The following COQ5 variants were observed in gnomAD, a reference collection of about 807,000 sequenced individuals.
COQ5 encodes coenzyme Q5, methyltransferase, also known as 2-methoxy-6-polyprenyl-1,4-benzoquinol methylase, mitochondrial.
In COQ5, 27 loss-of-function variants were observed where a neutral mutation model predicts 40.5. The ratio of observed to expected loss-of-function variants is 0.67; its 90% CI spans 0.49 to 0.92. The LOEUF (loss-of-function observed/expected upper bound fraction) is 0.92, where lower values mean the gene tolerates loss of function less well. COQ5 is among the 40% of genes least tolerant of loss of function. The pLI, the probability that COQ5 is intolerant of heterozygous loss-of-function variation, is 0.00. For synonymous variants in COQ5, 141 were observed against 150.0 expected (o/e 0.94, Z 0.44); for missense variants, 409 against 406.4 (o/e 1.01, Z -0.06).
Position 120,522,289 on chromosome 12 carries a change from C to T in COQ5, c.277G>A (p.Val93Ile). ...TTCCAGAGCAGCAAATCCTTCCAAACACGATGGATACCAAGACTCATCATA... is the reference window on the plus strand; with the variant it reads ...TTCCAGAGCAGCAAATCCTTCCAAATACGATGGATACCAAGACTCATCATA... ...NDMMSLGIHRVWKDLLLWKMH... is the reference protein window; with the variant it reads ...NDMMSLGIHRIWKDLLLWKMH... The change falls in exon 2 of 7, where the codon GTT becomes ATT. Residue 93 changes from valine (V) to isoleucine (I), a missense_variant. Physicochemically the swap from Val to Ile is conservative, Grantham distance 29. Coordinates refer to ENST00000288532, the MANE Select transcript of COQ5 (RefSeq NM_032314.4). 6.2e-7 allele frequency: 1 copy of T among 1,613,994 alleles called. No individual in the cohort carries two copies. Among genetic ancestry groups the T allele is most frequent in the Non-Finnish European group, 8.5e-7 (1 of 1,179,846 alleles).
intron 3 of COQ5, among the ~76,000 whole-genome samples, chr12:120,511,847 A>G (rs1211907907): frequency 6.6e-6 from 1 of 152,174 alleles, no homozygotes; most frequent in Non-Finnish European, 1.5e-5. Flanking sequence ...AACATTGGGG[A>G]AAAAAAGAAT....
At chr12:120,518,810 G>A (rs901017208) in intron 2 of COQ5, among the ~76,000 whole-genome samples, 4 of 152,126 alleles carry the variant, frequency 2.6e-5, no homozygotes, top group East Asian at 3.8e-4. Flanking sequence ...TGATCCACAC[G>A]CCTCAGCCTC....
chr12:120,517,702 G>GATT (rs1869444890), intron 2 of COQ5, among the ~76,000 whole-genome samples: 1 of 151,680 alleles, frequency 6.6e-6, no homozygotes, highest in African/African-American at 2.4e-5. Context: ...ACCAAATCAA[G>GATT]TGTTTATAAT....
chr12:120,516,905 A>C, intron 2 of COQ5, 117 bp from the exon 3 acceptor site: 1 of 878,782 alleles, frequency 1.1e-6, no homozygotes, highest in Non-Finnish European at 1.9e-6. Context: ...GTGTTAGCTA[A>C]CTGGATGCAG....
intron 3 of COQ5, among the ~76,000 whole-genome samples, chr12:120,515,624 G>T (rs1279078590): frequency 6.6e-6 from 1 of 152,162 alleles, no homozygotes; most frequent in East Asian, 1.9e-4. Context: ...GGGAAACACA[G>T]AGTAGACAAA....
chr12:120,520,303 C>T (rs984780431), intron 2 of COQ5, among the ~76,000 whole-genome samples: 1 of 148,638 alleles, frequency 6.7e-6, no homozygotes, highest in Non-Finnish European at 1.5e-5. Flanking sequence ...GCCACCTTGC[C>T]GGCTATTTTT....
chr12:120,520,620 C>T (rs1043504043), intron 2 of COQ5, among the ~76,000 whole-genome samples: 7 of 151,584 alleles, frequency 4.6e-5, no homozygotes, highest in Non-Finnish European at 7.4e-5. Flanking sequence ...CACCACACCC[C>T]GCCATCGCCC....
chr12:120,513,607 C>T (rs1869244932), intron 3 of COQ5, among the ~76,000 whole-genome samples: 1 of 151,058 alleles, frequency 6.6e-6, no homozygotes, highest in African/African-American at 2.4e-5. Context: ...GCGACGTCCA[C>T]CTCCTGGGTT....
intron 1 of COQ5, among the ~76,000 whole-genome samples, chr12:120,525,790 T>TG (rs1161032190): frequency 6.6e-6 from 1 of 151,660 alleles, no homozygotes; most frequent in Non-Finnish European, 1.5e-5. Flanking sequence ...CTGGGCGTGG[T>TG]GGTGGGCGCC....
chr12:120,504,160 A>G (rs1868776289), intron 5 of COQ5, 79 bp from the exon 6 acceptor site: 2 of 906,596 alleles, frequency 2.2e-6, no homozygotes, highest in Admixed American at 3.5e-5. Flanking sequence ...AAGAAGGACT[A>G]AACCTGGGGT....
intron 3 of COQ5, among the ~76,000 whole-genome samples, chr12:120,511,256 CAAA>C (rs33968461): frequency 7.5e-5 from 7 of 93,082 alleles, no homozygotes; most frequent in Non-Finnish European, 6.3e-5. Flanking sequence ...GACTCTGTCT[CAAA>C]AAAAAAAAAA....
intron 3 of COQ5, among the ~76,000 whole-genome samples, chr12:120,515,302 C>A (rs1034331258): frequency 6.6e-6 from 1 of 152,094 alleles, no homozygotes; most frequent in Non-Finnish European, 1.5e-5. Context: ...GTTGCCTAGG[C>A]TGGTCTTGAA....
At chr12:120,523,585 C>G (rs1472553033) in intron 1 of COQ5, 1 of 183,894 alleles carries the variant, frequency 5.4e-6, no homozygotes, top group African/African-American at 2.4e-5. Flanking sequence ...ATTATTATTA[C>G]TTAGGACTAC....
chr12:120,516,028 A>T (rs1179449094), intron 3 of COQ5, among the ~76,000 whole-genome samples: 2 of 152,162 alleles, frequency 1.3e-5, no homozygotes, highest in African/African-American at 2.4e-5. Flanking sequence ...GGCTCAAGTA[A>T]TCCTCCTATT....
In COQ5 at chr12:120,522,253, G is replaced by T; in HGVS notation, c.313C>A (p.Leu105Ile). 2 of 1,614,170 alleles carry T rather than the reference G, an allele frequency of 1.2e-6. No individual in the cohort carries two copies. Among genetic ancestry groups the T allele is most frequent in the Non-Finnish European group, 1.7e-6 (2 of 1,180,016 alleles). Residue 105 changes from leucine to isoleucine, a missense_variant, in exon 2 of 7, where the codon CTT (leucine) becomes ATT (isoleucine). Coordinates refer to ENST00000288532, the MANE Select transcript of COQ5 (RefSeq NM_032314.4). The stretch of plus-strand genomic sequence containing the variant: ...ACATCAAGCAGCTGGGTCCCAGGAA[G>T]CGGGTGCATCTTCCAGAGCAGCAAA... ...KDLLLWKMHP[L>I]PGTQLLDVAG...
At chr12:120,507,690 C>T (rs201577280) in intron 4 of COQ5, among the ~76,000 whole-genome samples, 1 of 149,806 alleles carries the variant, frequency 6.7e-6, no homozygotes, top group Non-Finnish European at 1.5e-5. Context: ...GAGTTTGAGA[C>T]CAGCCTGACC....
intron 4 of COQ5, among the ~76,000 whole-genome samples, chr12:120,506,875 C>T (rs1868905337): frequency 6.6e-6 from 1 of 151,936 alleles, no homozygotes; most frequent in African/African-American, 2.4e-5. Context: ...GCTCTGTCGC[C>T]CAGGCTGGAG....
chr12:120,514,083 G>A (rs1026271802), intron 3 of COQ5, among the ~76,000 whole-genome samples: 5 of 152,100 alleles, frequency 3.3e-5, no homozygotes, highest in African/African-American at 7.2e-5. Flanking sequence ...TTTGTTTTCC[G>A]TTCTTTATGG....
intron 4 of COQ5, among the ~76,000 whole-genome samples, chr12:120,506,824 C>A (rs1868903524): frequency 6.6e-6 from 1 of 152,004 alleles, no homozygotes. Flanking sequence ...GGGATGCATT[C>A]TATTTTTATT....
Sources: gnomAD v4.1 joint callset for allele counts (sites outside exome capture counted in the v4.1 genomes callset) on GRCh38, gnomAD v4.1.1 for gene constraint, MANE v1.5 for transcripts, NCBI Gene and HGNC (gene_info 2026-07-23, HGNC 2026-07-21) for gene names.